IGSF10: variants seen among roughly 807,000 people sequenced by gnomAD.
The protein encoded by IGSF10 is immunoglobulin superfamily member 10.
IGSF10 carries 126 observed loss-of-function variants against 128.2 expected under a neutral mutation model. The observed-to-expected ratio is 0.98, with a 90% CI of 0.85 to 1.14. IGSF10 has a LOEUF of 1.14. Ranked by LOEUF, IGSF10 falls within the 50% of genes most tolerant of loss-of-function variation. The pLI is 0.00. For synonymous variants in IGSF10, 1,185 were observed against 1,146.2 expected (o/e 1.03, Z -0.68); for missense variants, 3,295 against 3,149.8 (o/e 1.05, Z -1.10).
At chr3:151,524,897 T>C in the IGSF10 span, among the ~76,000 whole-genome samples, 158 of 152,192 alleles carry the variant, frequency 1.0e-3, no homozygotes, top group African/African-American at 3.7e-3. Context: ...TTCCTTCTCT[T>C]CCATCATTCC....
chr3:151,592,503 A>G, the IGSF10 span, among the ~76,000 whole-genome samples: 1 of 152,138 alleles, frequency 6.6e-6, no homozygotes, highest in Non-Finnish European at 1.5e-5. Flanking sequence ...CCAGATAGCT[A>G]TTATGCACTT....
At chr3:151,547,631 T>A in the IGSF10 span, among the ~76,000 whole-genome samples, 1 of 152,142 alleles carries the variant, frequency 6.6e-6, no homozygotes, top group Non-Finnish European at 1.5e-5. Context: ...TTCAGAGATG[T>A]TCTTTGCCTC....
the IGSF10 span, among the ~76,000 whole-genome samples, chr3:151,588,899 G>A: frequency 1.3e-5 from 2 of 152,150 alleles, no homozygotes; most frequent in Admixed American, 1.3e-4. Flanking sequence ...AATAAAACAA[G>A]TACAAAAGTA....
At chr3:151,618,602 T>C in the IGSF10 span, among the ~76,000 whole-genome samples, 12 of 151,552 alleles carry the variant, frequency 7.9e-5, no homozygotes, top group African/African-American at 9.7e-5. Context: ...TGGTGGTGGG[T>C]GCCTGTAGTC....
At chr3:151,575,182 G>T in the IGSF10 span, among the ~76,000 whole-genome samples, 1 of 152,216 alleles carries the variant, frequency 6.6e-6, no homozygotes, top group African/African-American at 2.4e-5. Context: ...TCCCAGTTAG[G>T]CTACACGGGG....
upstream of IGSF10, among the ~76,000 whole-genome samples, chr3:151,463,617 G>C (rs1409118638): frequency 1.7e-5 from 2 of 120,294 alleles, no homozygotes; most frequent in African/African-American, 6.6e-5. Context: ...CGCAATCTCG[G>C]CTCACCACAA....
At chr3:151,605,257 G>T in the IGSF10 span, among the ~76,000 whole-genome samples, 1 of 63,936 alleles carries the variant, frequency 1.6e-5, no homozygotes, top group African/African-American at 7.1e-5. Context: ...TGCTATGGTG[G>T]TTACAAATAA....
chr3:151,589,631 T>G, the IGSF10 span, among the ~76,000 whole-genome samples: 2 of 152,224 alleles, frequency 1.3e-5, no homozygotes, highest in African/African-American at 4.8e-5. Flanking sequence ...TGCTCTCTTA[T>G]TTCATAGTCT....
At chr3:151,432,916 T>G, downstream of IGSF10, 1 of 793,082 alleles carries the variant, frequency 1.3e-6, no homozygotes, top group Non-Finnish European at 2.0e-6. Flanking sequence ...CTTTGACATT[T>G]TACTATATTT....
the IGSF10 span, among the ~76,000 whole-genome samples, chr3:151,503,685 C>A: frequency 3.3e-5 from 5 of 152,142 alleles, no homozygotes; most frequent in Non-Finnish European, 7.4e-5. Flanking sequence ...GGAATTGCAG[C>A]AGATAAAGAG....
At chr3:151,509,218 A>G in the IGSF10 span, among the ~76,000 whole-genome samples, 1 of 152,224 alleles carries the variant, frequency 6.6e-6, no homozygotes, top group Non-Finnish European at 1.5e-5. Flanking sequence ...CTAACCAAGC[A>G]CAACAAAATT....
intron 7 of IGSF10, among the ~76,000 whole-genome samples, chr3:151,439,546 T>C (rs1720708801): frequency 6.6e-6 from 1 of 150,712 alleles, no homozygotes. Context: ...CCCAGGAGGC[T>C]GGGGTTGCAG....
At position 151,443,172 on chromosome 3, in the gene IGSF10, C is replaced by G; in HGVS notation, c.5775G>C (p.Ser1925=). Residue 1925 remains serine (S), a synonymous_variant, in exon 7 of 8, where the codon TCG becomes TCC. Coordinates refer to ENST00000282466, the MANE Select transcript of IGSF10 (RefSeq NM_178822.5). ...YECIATSSTG[S]ERRVVMLTME... is the part of the protein sequence containing the mutation. ...TTGTAAGCATTACTACTCTTCGCTCCGAACCAGTGGAACTGGTAGCAATGC... is the reference window on the plus strand; with the variant it reads ...TTGTAAGCATTACTACTCTTCGCTCGGAACCAGTGGAACTGGTAGCAATGC... 1.2e-6 allele frequency: 2 copies of G among 1,614,210 alleles called. No individual in the cohort carries two copies. Among genetic ancestry groups the G allele is most frequent in the South Asian group, 2.2e-5 (2 of 91,080 alleles).
chr3:151,504,630 TAAAC>T, the IGSF10 span, among the ~76,000 whole-genome samples: 23 of 152,200 alleles, frequency 1.5e-4, no homozygotes, highest in Non-Finnish European at 1.2e-4. Flanking sequence ...TAAATAATGT[TAAAC>T]AAAGGTTAGC....
At position 151,450,628 on chromosome 3, in the gene IGSF10, C is replaced by T. The variant is rs894201149; in HGVS notation, c.716-1363G>A. 3.3e-5 allele frequency among the ~76,000 whole-genome samples: 5 copies of T among 152,022 alleles called. No homozygotes were observed. In the South Asian group the frequency reaches 8.3e-4, roughly 25 times the overall value. ...GAGTTGCCTCCTGGCTGGCCGCAAT[C>T]GCTCACGCCTGTAACCTCAGCACTT... is the stretch of plus-strand genomic sequence containing the variant. On this transcript the variant is annotated intron_variant, in intron 5 of 7. Transcript: ENST00000282466.
At chr3:151,489,750 T>C in the IGSF10 span, among the ~76,000 whole-genome samples, 802 of 152,098 alleles carry the variant, frequency 5.3e-3, 7 homozygotes, top group African/African-American at 0.018. Context: ...ATGTTCTCAC[T>C]CATAAGTGGG....
At chr3:151,494,501 A>G in the IGSF10 span, among the ~76,000 whole-genome samples, 1 of 152,152 alleles carries the variant, frequency 6.6e-6, no homozygotes, top group East Asian at 1.9e-4. Context: ...TCCCCTCTGC[A>G]TTGTTTAGTG....
At chr3:151,568,558 T>C in the IGSF10 span, among the ~76,000 whole-genome samples, 1 of 152,216 alleles carries the variant, frequency 6.6e-6, no homozygotes, top group Non-Finnish European at 1.5e-5. Flanking sequence ...TATAAAACCC[T>C]GCTTCACCCC....
the IGSF10 span, among the ~76,000 whole-genome samples, chr3:151,576,866 G>A: frequency 6.6e-6 from 1 of 152,098 alleles, no homozygotes; most frequent in Non-Finnish European, 1.5e-5. Flanking sequence ...TCCACTTCTT[G>A]TTTAGTGTGT....
Sources: gnomAD v4.1 joint callset for allele counts (sites outside exome capture counted in the v4.1 genomes callset) on GRCh38, gnomAD v4.1.1 for gene constraint, MANE v1.5 for transcripts, NCBI Gene and HGNC (gene_info 2026-07-23, HGNC 2026-07-21) for gene names.